The following RNF19A variants were observed in gnomAD, a reference collection of about 807,000 sequenced individuals.
RNF19A encodes E3 ubiquitin-protein ligase RNF19A.
In RNF19A, 32 loss-of-function variants were observed where a neutral mutation model predicts 75.7. That is an observed-to-expected ratio of 0.42 (90% CI 0.32 to 0.57). The LOEUF is 0.57. Among genes scored for constraint, RNF19A ranks in the 20% least tolerant of loss-of-function variants. RNF19A has a pLI of 0.10. For synonymous variants in RNF19A, 335 were observed against 345.2 expected (o/e 0.97, Z 0.33); for missense variants, 782 against 1,036.3 (o/e 0.75, Z 3.37).
intron 1 of RNF19A, among the ~76,000 whole-genome samples, chr8:100,307,687 C>T: frequency 6.6e-6 from 1 of 152,070 alleles, no homozygotes; most frequent in East Asian, 1.9e-4. Flanking sequence ...TAGTATCCTT[C>T]AATCCAACCC....
upstream of RNF19A, among the ~76,000 whole-genome samples, chr8:100,311,827 C>T (rs894804281): frequency 1.4e-4 from 22 of 151,960 alleles, 1 homozygote; most frequent in South Asian, 2.5e-3. Flanking sequence ...AGAAGCTGTG[C>T]GGAATGAAAA....
At position 100,287,569 on chromosome 8, in the gene RNF19A, T is replaced by C; in HGVS notation, c.606A>G (p.Glu202=). 6.2e-7 allele frequency: 1 copy of C among 1,614,172 alleles called. No homozygotes were observed. The highest frequency in any genetic ancestry group is 8.5e-7 in the Non-Finnish European group (1 of 1,180,002). ...CAAGCCACCGTCTAAGCATAAATTC[T>C]TCGTATTTTTCCATCAAGACATCAT... is the stretch of plus-strand genomic sequence containing the variant. ...LSDDVLMEKY[E]EFMLRRWLVA... is the part of the protein sequence containing the mutation. Residue 202 remains glutamate, a synonymous_variant, in exon 2 of 10, where the codon GAA becomes GAG. Transcript: ENST00000341084. The surrounding 1 kb of genome is among the most constrained non-coding windows in gnomAD (Gnocchi z 4.1).
intron 1 of RNF19A, among the ~76,000 whole-genome samples, chr8:100,303,761 T>TAAAAA (rs60110792): frequency 1.1e-5 from 1 of 94,358 alleles, no homozygotes; most frequent in Non-Finnish European, 2.2e-5. Context: ...TCGCCGCTTG[T>TAAAAA]AAAAAAAAAA....
At chr8:100,302,302 G>C (rs915515326) in intron 1 of RNF19A, among the ~76,000 whole-genome samples, 4 of 152,222 alleles carry the variant, frequency 2.6e-5, no homozygotes, top group Non-Finnish European at 5.9e-5. Flanking sequence ...TGGCACATCA[G>C]TGAAGGTGTT....
upstream of RNF19A, chr8:100,313,297 A>G (rs140120696): frequency 3.3e-4 from 324 of 982,098 alleles, 1 homozygote; most frequent in African/African-American, 4.9e-3. Context: ...TTACCAGAGT[A>G]ACAGAAACCA....
At chr8:100,334,996 T>G (rs1187847431) in intron 1 of RNF19A, among the ~76,000 whole-genome samples, 1 of 152,240 alleles carries the variant, frequency 6.6e-6, no homozygotes, top group East Asian at 1.9e-4. Context: ...AATACCCTGT[T>G]GTTATACAGT....
rs1283732605 is a variant in RNF19A, at chr8:100,317,060, T to A, written c.-242-3688A>T. Among the ~76,000 whole-genome samples the A allele has an allele frequency of 2.0e-5, 3 of 151,786 alleles. No homozygotes were observed. The highest frequency in any genetic ancestry group is 3.9e-4 in the East Asian group (2 of 5,178). Reference sequence around the variant, plus strand: ...CCCGGGACCAGCAGCGCTGCCCGGCTACTCTGAGTGCGGGGCCTGCCAAGC... The same window carrying A: ...CCCGGGACCAGCAGCGCTGCCCGGCAACTCTGAGTGCGGGGCCTGCCAAGC... On this transcript the variant is annotated intron_variant, in intron 1 of 3. Coordinates refer to the RNF19A transcript ENST00000519527. The surrounding 1 kb of genome is among the most constrained non-coding windows in gnomAD (Gnocchi z 4.3).
At chr8:100,319,013 C>G (rs1031345233) in intron 1 of RNF19A, among the ~76,000 whole-genome samples, 2 of 152,206 alleles carry the variant, frequency 1.3e-5, no homozygotes, top group African/African-American at 4.8e-5. Context: ...GTTGTAGGGA[C>G]TGGCACCCTG....
At position 100,260,487 on chromosome 8, in the gene RNF19A, C is replaced by T. The variant is rs1247745613; in HGVS notation, c.1683-490G>A. 1.3e-5 allele frequency among the ~76,000 whole-genome samples: 2 copies of T among 152,034 alleles called. No individual in the cohort carries two copies. Among genetic ancestry groups the T allele is most frequent in the African/African-American group, 4.8e-5 (2 of 41,386 alleles). ...GTCTCGTTATGTTGCCCAGGCTGGT[C>T]TCAAATTCCTGGCCTCAAGCTATCC... is the stretch of plus-strand genomic sequence containing the variant. On this transcript the variant is annotated intron_variant, in intron 8 of 9. Transcript: ENST00000341084. The surrounding 1 kb of genome is among the most constrained non-coding windows in gnomAD (Gnocchi z 4.1).
Position 100,284,709 on chromosome 8 carries a change from GAAGA to G in RNF19A, c.674+2788_674+2791del, listed in dbSNP as rs1390039871. On this transcript the variant is annotated intron_variant, in intron 2 of 9. Coordinates refer to ENST00000341084, the MANE Select transcript of RNF19A (RefSeq NM_183419.4). This position sits in a 1 kb window ranked among gnomAD's most constrained non-coding sequence, Gnocchi z 4.3. The stretch of plus-strand genomic sequence containing the variant: ...CTTTTTAACAATGAAGTCTCAATGA[GAAGA>G]AAATGTGCCAAAATATCCCAAAGTA... Among the ~76,000 whole-genome samples, 2 of 151,994 alleles carry G rather than the reference GAAGA, an allele frequency of 1.3e-5. No individual in the cohort carries two copies. Among genetic ancestry groups the G allele is most frequent in the African/African-American group, 2.4e-5 (1 of 41,406 alleles).
upstream of RNF19A, among the ~76,000 whole-genome samples, chr8:100,310,789 A>C (rs1203962795): frequency 6.6e-6 from 1 of 152,210 alleles, no homozygotes; most frequent in Non-Finnish European, 1.5e-5. Flanking sequence ...GCAGTCAAGT[A>C]ATCAGAATTC....
Position 100,259,860 on chromosome 8 carries a change from A to G in RNF19A, c.1820T>C (p.Leu607Ser). The change falls in exon 9 of 10, where the codon TTG (leucine) becomes TCG (serine). Residue 607 changes from leucine to serine, a missense_variant. By Grantham distance (145) the Leu-to-Ser change is moderately radical. Coordinates refer to ENST00000341084, the MANE Select transcript of RNF19A (RefSeq NM_183419.4). This position sits in a 1 kb window ranked among gnomAD's most constrained non-coding sequence, Gnocchi z 4.5. Reference protein sequence around the residue: ...AGSILNSYIPLDKEGNSMEVQ... With the variant: ...AGSILNSYIPSDKEGNSMEVQ... ...TTAACAGTTTTTTCCTTACTTGTCC[A>G]ATGGGATGTAGGAATTCAGAATGGA... 1 of 1,610,698 alleles carries G rather than the reference A, an allele frequency of 6.2e-7. No homozygotes were observed. Among genetic ancestry groups the G allele is most frequent in the Non-Finnish European group, 8.5e-7 (1 of 1,178,798 alleles).
rs767854511 is a variant in RNF19A at position 100,275,132 on chromosome 8, C to T, written c.704G>A (p.Ser235Asn). ...TCGCCCACAAGTTAATTTTGGACAG[C>T]TGGCACATCCAAATGCTATCACAGC... is the stretch of plus-strand genomic sequence containing the variant. Reference protein sequence around the residue: ...GYAVIAFGCASCPKLTCGREG... With the variant: ...GYAVIAFGCANCPKLTCGREG... The change falls in exon 3 of 10, where the codon AGC becomes AAC. Residue 235 changes from serine to asparagine, a missense_variant. Coordinates refer to ENST00000341084, the MANE Select transcript of RNF19A (RefSeq NM_183419.4). This position sits in a 1 kb window ranked among gnomAD's most constrained non-coding sequence, Gnocchi z 4.3. 1.1e-4 allele frequency: 180 copies of T among 1,613,996 alleles called. No homozygotes were observed. The highest frequency in any genetic ancestry group is 1.7e-6 in the Non-Finnish European group (2 of 1,180,000).
intron 3 of RNF19A, among the ~76,000 whole-genome samples, chr8:100,274,639 C>A (rs1820416502): frequency 2.0e-5 from 3 of 152,128 alleles, no homozygotes; most frequent in African/African-American, 7.2e-5. Context: ...CCCGCCTCAG[C>A]CTCCCAAAGT....
intron 1 of RNF19A, chr8:100,309,640 G>GT (rs1346608459): frequency 4.3e-6 from 4 of 927,290 alleles, no homozygotes; most frequent in Non-Finnish European, 3.9e-6. Context: ...CCTGGGCCGG[G>GT]TAGGGGACCC....
chr8:100,294,749 T>A (rs536989713), intron 1 of RNF19A, among the ~76,000 whole-genome samples: 1 of 152,292 alleles, frequency 6.6e-6, no homozygotes, highest in South Asian at 2.1e-4. Context: ...GATACAGTAT[T>A]CTTGAATCTG....
At chr8:100,289,940 C>T (rs1408176318) in intron 1 of RNF19A, among the ~76,000 whole-genome samples, 1 of 152,138 alleles carries the variant, frequency 6.6e-6, no homozygotes, top group African/African-American at 2.4e-5. Context: ...TATATTCACA[C>T]TCTAAAGCAA....
intron 1 of RNF19A, among the ~76,000 whole-genome samples, chr8:100,306,454 A>G (rs561014323): frequency 2.6e-5 from 4 of 152,244 alleles, no homozygotes; most frequent in Non-Finnish European, 5.9e-5. Context: ...ATAAGACTAC[A>G]TAATGGTTTT....
At chr8:100,308,512 A>T (rs1017067703) in intron 1 of RNF19A, among the ~76,000 whole-genome samples, 1 of 152,234 alleles carries the variant, frequency 6.6e-6, no homozygotes, top group African/African-American at 2.4e-5. Flanking sequence ...AAAACAGGCA[A>T]ACAGGGTAAT....
Sources: allele counts gnomAD v4.1 joint callset (sites outside exome capture counted in the v4.1 genomes callset), GRCh38; gene constraint gnomAD v4.1.1; non-coding constraint Gnocchi (gnomAD v3.1); transcripts MANE v1.5; gene names NCBI Gene and HGNC (gene_info 2026-07-23, HGNC 2026-07-21).